MACROH2A1: variants seen among roughly 807,000 people sequenced by gnomAD.
MACROH2A1 encodes the protein macroH2A.1 histone.
A neutral mutation model predicts 31.6 loss-of-function variants in MACROH2A1; 2 were observed. The observed-to-expected ratio is 0.06, with a 90% CI of 0.03 to 0.20. The LOEUF (loss-of-function observed/expected upper bound fraction) is 0.20, where lower values mean the gene tolerates loss of function less well. Among genes scored for constraint, MACROH2A1 ranks in the 10% least tolerant of loss-of-function variants. The pLI is 1.00. For missense variants in MACROH2A1, 230 were observed against 474.0 expected (o/e 0.49, Z 4.78); for synonymous variants, 169 against 189.6 (o/e 0.89, Z 0.89).
chr5:135,397,281 A>G (rs1052627790), intron 1 of MACROH2A1, among the ~76,000 whole-genome samples: 3 of 152,202 alleles, frequency 2.0e-5, no homozygotes, highest in Non-Finnish European at 4.4e-5. Context: ...CGCCTCTCTC[A>G]GGGACCAGAA....
chr5:135,377,757 C>T (rs935693862), intron 2 of MACROH2A1, among the ~76,000 whole-genome samples: 9 of 152,218 alleles, frequency 5.9e-5, no homozygotes, highest in African/African-American at 2.2e-4. Context: ...AAGCTGCAGG[C>T]ACTTCTGCTA....
At chr5:135,357,103 G>C (rs1762265981) in intron 5 of MACROH2A1, 1 of 152,208 alleles carries the variant, frequency 6.6e-6, no homozygotes, top group East Asian at 1.9e-4. Flanking sequence ...TGCCCTCACA[G>C]CTGTGCTGTG....
chr5:135,380,429 G>T (rs1405183757), intron 2 of MACROH2A1, among the ~76,000 whole-genome samples: 1 of 152,194 alleles, frequency 6.6e-6, no homozygotes, highest in African/African-American at 2.4e-5. Context: ...CACTGCAGTG[G>T]TCAGTGGTGA....
Position 135,350,719 on chromosome 5 carries a change from T to C in MACROH2A1, c.688+2227A>G, listed in dbSNP as rs535407939. ...GAGACAGGGTCAGGACAGCTGGAAG[T>C]GTGAAATGAATGCAGCCCTGCATAG... is the stretch of plus-strand genomic sequence containing the variant. On this transcript the variant is annotated intron_variant, in intron 6 of 8. Transcript: ENST00000511689. The C allele has an allele frequency of 1.3e-4, 88 of 695,938 alleles. No individual in the cohort carries two copies. The South Asian group carries it at 1.4e-3, about 11-fold the overall frequency. The allele number at this position is 695,938 out of a possible 1,614,324, so 43.1% of individuals were successfully genotyped here.
At chr5:135,397,161 A>T (rs1385932321) in intron 1 of MACROH2A1, among the ~76,000 whole-genome samples, 1 of 152,152 alleles carries the variant, frequency 6.6e-6, no homozygotes, top group Non-Finnish European at 1.5e-5. Context: ...TTTTATTTAA[A>T]TAAATCTCCT....
At chr5:135,387,612 A>C (rs1209048617) in intron 2 of MACROH2A1, among the ~76,000 whole-genome samples, 1 of 152,192 alleles carries the variant, frequency 6.6e-6, no homozygotes, top group Non-Finnish European at 1.5e-5. Flanking sequence ...ATACACAGTG[A>C]AAGCATTACG....
intron 4 of MACROH2A1, among the ~76,000 whole-genome samples, chr5:135,368,530 AAGG>A (rs1433192931): frequency 6.6e-6 from 1 of 152,256 alleles, no homozygotes; most frequent in South Asian, 2.1e-4. Flanking sequence ...TGGAGGCCAG[AAGG>A]AGGACTCCTT....
intron 1 of MACROH2A1, among the ~76,000 whole-genome samples, chr5:135,395,349 GC>G (rs367660134): frequency 6.6e-5 from 10 of 152,298 alleles, no homozygotes; most frequent in African/African-American, 2.4e-4. Flanking sequence ...TTGATCCCAT[GC>G]AATATTGATT....
chr5:135,335,666 ACGCAGG>A (rs1302300347), intron 8 of MACROH2A1, among the ~76,000 whole-genome samples: 4 of 152,192 alleles, frequency 2.6e-5, no homozygotes. Flanking sequence ...AGAGGCCAGA[ACGCAGG>A]GAGCTGTGGG....
chr5:135,387,719 C>A (rs1766610604), intron 2 of MACROH2A1, among the ~76,000 whole-genome samples: 1 of 152,138 alleles, frequency 6.6e-6, no homozygotes, highest in African/African-American at 2.4e-5. Context: ...TTTCTCATCA[C>A]TAAAAATGGG....
At chr5:135,351,912 A>G (rs1190145318) in intron 6 of MACROH2A1, among the ~76,000 whole-genome samples, 1 of 145,926 alleles carries the variant, frequency 6.9e-6, no homozygotes, top group African/African-American at 2.6e-5. Context: ...TGCTTTTTCT[A>G]GCTTGTGGCC....
At chr5:135,356,035 T>TA (rs1762133971) in intron 5 of MACROH2A1, 1 of 152,188 alleles carries the variant, frequency 6.6e-6, no homozygotes. Context: ...TAAGGATCAT[T>TA]AATGGTTTCA....
upstream of MACROH2A1, chr5:135,399,748 C>G (rs780218530): frequency 2.6e-5 from 4 of 152,222 alleles, no homozygotes; most frequent in East Asian, 1.9e-4. This position sits in a 1 kb window ranked among gnomAD's most constrained non-coding sequence, Gnocchi z 4.5. Context: ...TTACTGCGCA[C>G]CCGGTTCCCC....
intron 4 of MACROH2A1, among the ~76,000 whole-genome samples, chr5:135,366,051 A>G (rs1373371463): frequency 2.0e-5 from 3 of 152,082 alleles, no homozygotes; most frequent in African/African-American, 7.2e-5. Context: ...ATGAAATTTG[A>G]TGGTTTTATA....
intron 4 of MACROH2A1, among the ~76,000 whole-genome samples, chr5:135,367,948 G>C (rs1763724858): frequency 6.6e-6 from 1 of 152,218 alleles, no homozygotes; most frequent in African/African-American, 2.4e-5. Context: ...TAGTTAGCAG[G>C]AATGAGCAGT....
Position 135,381,280 on chromosome 5 carries a change from G to A in MACROH2A1, c.172+7642C>T, listed in dbSNP as rs575040043. Among the ~76,000 whole-genome samples, 455 of 152,248 alleles carry A rather than the reference G, an allele frequency of 3.0e-3. 1 individual carries two copies. Among genetic ancestry groups the A allele is most frequent in the Middle Eastern group, 6.8e-3 (2 of 294 alleles). ...TAAAAATATTGAGCAAAAGCATGAA[G>A]AGAAGTCTTTATAGTTTTGGAAGGA... On this transcript the variant is annotated intron_variant, in intron 2 of 8. Transcript: ENST00000511689.
intron 8 of MACROH2A1, among the ~76,000 whole-genome samples, chr5:135,335,640 C>G (rs1758531532): frequency 6.6e-6 from 1 of 152,310 alleles, no homozygotes; most frequent in East Asian, 1.9e-4. Flanking sequence ...CTAACACACA[C>G]CAGCGGTACC....
chr5:135,337,969 G>C (rs1759079949), intron 8 of MACROH2A1: 1 of 1,215,512 alleles, frequency 8.2e-7, no homozygotes, highest in Non-Finnish European at 1.1e-6. Flanking sequence ...CTATGGGACT[G>C]TGGCTGCTCT....
chr5:135,334,844 C>G lies in MACROH2A1; in HGVS notation c.*132G>C. 1.3e-6 allele frequency: 1 copy of G among 742,272 alleles called. No individual in the cohort carries two copies. Among genetic ancestry groups the G allele is most frequent in the East Asian group, 2.5e-5 (1 of 40,230 alleles). The allele number at this position is 742,272 out of a possible 1,614,324, so 46.0% of individuals were successfully genotyped here. On this transcript the variant is annotated 3_prime_UTR_variant, in exon 9 of 9. Coordinates refer to ENST00000511689, the MANE Select transcript of MACROH2A1 (RefSeq NM_138610.3). ...AAAACAATTAAACTGGAAACCAAAG[C>G]CTTATTTTCCCTAGATGAGCAAAAC...
Sources: gnomAD v4.1 joint callset for allele counts (sites outside exome capture counted in the v4.1 genomes callset) on GRCh38, gnomAD v4.1.1 for gene constraint, Gnocchi (gnomAD v3.1) non-coding constraint, MANE v1.5 for transcripts, NCBI Gene and HGNC (gene_info 2026-07-23, HGNC 2026-07-21) for gene names.